GPC6: variants seen among roughly 807,000 people sequenced by gnomAD.
GPC6 encodes glypican 6.
Under a neutral mutation model 55.2 loss-of-function variants are expected in GPC6, and 14 were observed. That is an observed-to-expected ratio of 0.25 (90% CI 0.17 to 0.40). GPC6 has a LOEUF of 0.40. Among genes scored for constraint, GPC6 ranks in the 10% least tolerant of loss-of-function variants. The pLI is 1.00. For missense variants in GPC6, 641 were observed against 708.5 expected (o/e 0.90, Z 1.08); for synonymous variants, 278 against 259.6 (o/e 1.07, Z -0.68).
At chr13:93,892,842 A>T (rs1318473730) in intron 3 of GPC6, among the ~76,000 whole-genome samples, 2 of 152,198 alleles carry the variant, frequency 1.3e-5, no homozygotes, top group Non-Finnish European at 2.9e-5. Flanking sequence ...TGTGTTCTTC[A>T]TAAGCCACTC....
chr13:94,209,909 G>A (rs1302255219), intron 4 of GPC6, among the ~76,000 whole-genome samples: 2 of 151,910 alleles, frequency 1.3e-5, no homozygotes, highest in East Asian at 1.9e-4. Context: ...GCAGTGGCAC[G>A]AACACAGCTC....
chr13:93,264,894 G>A (rs959107503), intron 1 of GPC6, among the ~76,000 whole-genome samples: 2 of 151,616 alleles, frequency 1.3e-5, no homozygotes, highest in Non-Finnish European at 2.9e-5. Context: ...ATGGATAGAG[G>A]GCTTACCGTA....
intron 3 of GPC6, among the ~76,000 whole-genome samples, chr13:93,970,371 G>A (rs1020313254): frequency 6.6e-6 from 1 of 152,198 alleles, no homozygotes. Context: ...AATTTTAAAA[G>A]AAGGCTGTAG....
chr13:93,224,166 G>A (rs1397204047), upstream of GPC6, among the ~76,000 whole-genome samples: 2 of 149,608 alleles, frequency 1.3e-5, no homozygotes, highest in East Asian at 2.0e-4. Flanking sequence ...CCAAAGTGCT[G>A]GGATTACAGG....
chr13:93,689,924 A>G (rs1184522570), intron 2 of GPC6, among the ~76,000 whole-genome samples: 1 of 152,144 alleles, frequency 6.6e-6, no homozygotes, highest in Admixed American at 6.6e-5. Context: ...GGCCTTATAT[A>G]TAGTGAAACC....
chr13:93,793,459 A>G (rs1034227394), intron 2 of GPC6, among the ~76,000 whole-genome samples: 1 of 148,248 alleles, frequency 6.7e-6, no homozygotes, highest in African/African-American at 2.5e-5. Flanking sequence ...GCCTTGAAAT[A>G]TATTTCAGAA....
At chr13:94,134,864 A>G (rs924653590) in intron 4 of GPC6, among the ~76,000 whole-genome samples, 1 of 152,176 alleles carries the variant, frequency 6.6e-6, no homozygotes, top group African/African-American at 2.4e-5. Flanking sequence ...TATTTTCACA[A>G]TCTGAAGACA....
intron 4 of GPC6, among the ~76,000 whole-genome samples, chr13:94,209,408 T>C (rs987814106): frequency 2.6e-5 from 4 of 152,224 alleles, no homozygotes; most frequent in African/African-American, 9.6e-5. Flanking sequence ...AAAAGAGACA[T>C]TATTTACTCA....
intron 4 of GPC6, among the ~76,000 whole-genome samples, chr13:94,063,313 G>A (rs1346114666): frequency 6.6e-6 from 1 of 152,174 alleles, no homozygotes; most frequent in African/African-American, 2.4e-5. Flanking sequence ...GAATCCCTTT[G>A]TGATCCAAAC....
intron 4 of GPC6, among the ~76,000 whole-genome samples, chr13:94,088,352 A>T (rs1381605573): frequency 6.6e-6 from 1 of 152,084 alleles, no homozygotes; most frequent in African/African-American, 2.4e-5. Context: ...CTTTGCATGG[A>T]CATATTAAGT....
intron 1 of GPC6, among the ~76,000 whole-genome samples, chr13:93,277,119 A>G (rs953415288): frequency 2.0e-5 from 3 of 152,166 alleles, no homozygotes; most frequent in Non-Finnish European, 4.4e-5. Context: ...CCCTCTGCCG[A>G]TTCCTAAATG....
chr13:93,909,940 G>C (rs137910569), intron 3 of GPC6, among the ~76,000 whole-genome samples: 6 of 151,634 alleles, frequency 4.0e-5, no homozygotes, highest in Admixed American at 6.6e-5. Context: ...CCACCTCCCC[G>C]CTCCTACCCA....
Position 93,702,611 on chromosome 13 carries a change from C to T in GPC6, c.320-127543C>T, listed in dbSNP as rs187919355. Reference sequence around the variant, plus strand: ...TCTTTCTACAAGAAGGCTGTTTCATCTACATTGAAAATCTGTTATTTAGTG... The same window carrying T: ...TCTTTCTACAAGAAGGCTGTTTCATTTACATTGAAAATCTGTTATTTAGTG... On this transcript the variant is annotated intron_variant, in intron 2 of 8. Coordinates refer to ENST00000377047, the MANE Select transcript of GPC6 (RefSeq NM_005708.5). Among the ~76,000 whole-genome samples, 157 of 152,138 alleles carry T rather than the reference C, an allele frequency of 1.0e-3. 3 individuals carry two copies. Among genetic ancestry groups the T allele is most frequent in the Admixed American group, 2.2e-3 (34 of 15,252 alleles).
At chr13:93,911,297 G>T (rs2140335940) in intron 3 of GPC6, among the ~76,000 whole-genome samples, 1 of 152,218 alleles carries the variant, frequency 6.6e-6, no homozygotes, top group African/African-American at 2.4e-5. Flanking sequence ...ACAAGAGATA[G>T]CTATACCTTA....
chr13:93,325,024 G>A (rs1031993190), intron 1 of GPC6, among the ~76,000 whole-genome samples: 4 of 152,102 alleles, frequency 2.6e-5, no homozygotes, highest in African/African-American at 7.2e-5. Flanking sequence ...TTCATGCACA[G>A]CAATTGAGCT....
chr13:93,231,360 CG>C (rs1876017579), intron 1 of GPC6, among the ~76,000 whole-genome samples: 1 of 14,944 alleles, frequency 6.7e-5, no homozygotes, highest in African/African-American at 2.5e-4. Flanking sequence ...TATATATATA[CG>C]TATATATATA....
chr13:93,539,662 A>G (rs1306725959), intron 1 of GPC6, among the ~76,000 whole-genome samples: 1 of 151,600 alleles, frequency 6.6e-6, no homozygotes, highest in Admixed American at 6.6e-5. Context: ...AAAGAAGTCC[A>G]TCATATTAGC....
chr13:93,588,741 C>T (rs1032393927), intron 2 of GPC6, among the ~76,000 whole-genome samples: 8 of 152,154 alleles, frequency 5.3e-5, no homozygotes, highest in African/African-American at 1.4e-4. Context: ...ATCATGCGGA[C>T]AGCACCAAAC....
At chr13:93,949,061 C>G (rs1879134281) in intron 3 of GPC6, among the ~76,000 whole-genome samples, 1 of 152,176 alleles carries the variant, frequency 6.6e-6, no homozygotes. Context: ...TACCTCTTCT[C>G]CCAACTTTGG....
Sources: gnomAD v4.1 joint callset for allele counts (sites outside exome capture counted in the v4.1 genomes callset) on GRCh38, gnomAD v4.1.1 for gene constraint, MANE v1.5 for transcripts, NCBI Gene and HGNC (gene_info 2026-07-23, HGNC 2026-07-21) for gene names.